Variants in SNX25 observed in about 807,000 individuals in gnomAD.
SNX25 encodes sorting nexin-25.
In SNX25, 62 loss-of-function variants were observed where a neutral mutation model predicts 113.7. That is an observed-to-expected ratio of 0.55 (90% CI 0.44 to 0.67). The LOEUF (loss-of-function observed/expected upper bound fraction) is 0.67, where lower values mean the gene tolerates loss of function less well. Among genes scored for constraint, SNX25 ranks in the 30% least tolerant of loss-of-function variants. The pLI, the probability that SNX25 is intolerant of heterozygous loss-of-function variation, is 0.00. For missense variants in SNX25, 1,014 were observed against 1,161.0 expected (o/e 0.87, Z 1.84); for synonymous variants, 421 against 436.2 (o/e 0.97, Z 0.43).
At chr4:185,273,050 G>A (rs1749179952) in intron 5 of SNX25, among the ~76,000 whole-genome samples, 2 of 152,104 alleles carry the variant, frequency 1.3e-5, no homozygotes, top group Non-Finnish European at 2.9e-5. Context: ...AAATGCTTCC[G>A]GACATTGCCA....
At chr4:185,348,069 T>C (rs567295064) in intron 13 of SNX25, among the ~76,000 whole-genome samples, 1 of 152,244 alleles carries the variant, frequency 6.6e-6, no homozygotes, top group Non-Finnish European at 1.5e-5. Flanking sequence ...TTAAACACTT[T>C]ATTATTTTCT....
intron 6 of SNX25, among the ~76,000 whole-genome samples, chr4:185,291,811 T>G (rs1393791855): frequency 6.6e-6 from 1 of 152,192 alleles, no homozygotes; most frequent in African/African-American, 2.4e-5. Flanking sequence ...AAGCATGACT[T>G]TATCTTAACT....
intron 8 of SNX25, among the ~76,000 whole-genome samples, chr4:185,321,473 G>A (rs1436047694): frequency 1.3e-5 from 2 of 152,054 alleles, no homozygotes; most frequent in African/African-American, 4.8e-5. Flanking sequence ...GTGTTGGCCA[G>A]ACTGGTCGCG....
At chr4:185,273,109 A>G (rs1458524588) in intron 5 of SNX25, among the ~76,000 whole-genome samples, 1 of 152,186 alleles carries the variant, frequency 6.6e-6, no homozygotes, top group Non-Finnish European at 1.5e-5. Flanking sequence ...ACTGGCTTAA[A>G]CCCATGAATA....
Position 185,210,702 on chromosome 4 carries a change from T to TG in SNX25, c.429+448dup, listed in dbSNP as rs1737641744. The stretch of plus-strand genomic sequence containing the variant: ...ATGACCGTTTGCCGATGAGGAAACT[T>TG]GCTTCGGTCCCTGGCCCAGCGCCTC... On this transcript the variant is annotated intron_variant, in intron 1 of 18. Coordinates refer to ENST00000652585, the MANE Select transcript of SNX25 (RefSeq NM_001378034.2). This position sits in a 1 kb window ranked among gnomAD's most constrained non-coding sequence, Gnocchi z 4.4. Among the ~76,000 whole-genome samples, 1 of 151,908 alleles carries TG rather than the reference T, an allele frequency of 6.6e-6. No homozygotes were observed. The highest frequency in any genetic ancestry group is 1.5e-5 in the Non-Finnish European group (1 of 67,936).
At chr4:185,253,921 G>A (rs780120075) in intron 2 of SNX25, among the ~76,000 whole-genome samples, 61 of 152,314 alleles carry the variant, frequency 4.0e-4, no homozygotes, top group Non-Finnish European at 7.9e-4. Flanking sequence ...ATACTGCAAG[G>A]TCATTGTCAA....
At chr4:185,328,992 G>T (rs1187391848) in intron 9 of SNX25, among the ~76,000 whole-genome samples, 1 of 152,104 alleles carries the variant, frequency 6.6e-6, no homozygotes, top group African/African-American at 2.4e-5. Flanking sequence ...TTCCAAGGAA[G>T]GGGTTTCAAA....
At chr4:185,239,412 C>G (rs193104044) in intron 1 of SNX25, among the ~76,000 whole-genome samples, 2,757 of 152,130 alleles carry the variant, frequency 0.018, 64 homozygotes, top group Admixed American at 0.052. Context: ...GAACCCAGGA[C>G]GCGGAGCTTG....
At chr4:185,293,851 A>T (rs969107064) in intron 6 of SNX25, among the ~76,000 whole-genome samples, 6 of 152,244 alleles carry the variant, frequency 3.9e-5, no homozygotes, top group African/African-American at 1.4e-4. Flanking sequence ...AGAGTTAGAG[A>T]AACAATGTAA....
chr4:185,334,194 C>T lies in SNX25; in HGVS notation c.1914+1435C>T, dbSNP rs1201864835. 3.3e-5 allele frequency among the ~76,000 whole-genome samples: 5 copies of T among 151,998 alleles called. No homozygotes were observed. Among genetic ancestry groups the T allele is most frequent in the Admixed American group, 6.6e-5 (1 of 15,260 alleles). On this transcript the variant is annotated intron_variant, in intron 10 of 18. Transcript: ENST00000652585. The surrounding 1 kb of genome is among the most constrained non-coding windows in gnomAD (Gnocchi z 4.2). ...TGTCTACTAAAAATACAAAAATTAG[C>T]CAGGCATGGTGGCATGCATGGTAAT...
At chr4:185,220,735 C>T (rs1409156478) in intron 1 of SNX25, among the ~76,000 whole-genome samples, 5 of 152,186 alleles carry the variant, frequency 3.3e-5, no homozygotes, top group Admixed American at 3.3e-4. Context: ...CCACCTCGGC[C>T]TCCCAAAGTG....
intron 1 of SNX25, among the ~76,000 whole-genome samples, chr4:185,211,516 G>A (rs1737795595): frequency 6.6e-6 from 1 of 152,084 alleles, no homozygotes; most frequent in Non-Finnish European, 1.5e-5. Context: ...TTACTAGTTT[G>A]TTTGTTGATC....
intron 1 of SNX25, among the ~76,000 whole-genome samples, chr4:185,224,747 G>T (rs1046749769): frequency 1.3e-5 from 2 of 150,570 alleles, no homozygotes; most frequent in African/African-American, 2.4e-5. Flanking sequence ...TATTTTTTTT[G>T]AAGCCTGTGT....
intron 1 of SNX25, among the ~76,000 whole-genome samples, chr4:185,235,410 G>A (rs1014020075): frequency 2.0e-5 from 3 of 152,208 alleles, no homozygotes; most frequent in Non-Finnish European, 4.4e-5. Context: ...TTCTTCTTCT[G>A]GAGGTGCCCT....
At chr4:185,352,844 T>G (rs1391690118) in intron 14 of SNX25, among the ~76,000 whole-genome samples, 2 of 152,176 alleles carry the variant, frequency 1.3e-5, no homozygotes, top group African/African-American at 4.8e-5. Flanking sequence ...CTCCAGCACC[T>G]AATGTTTGCA....
At chr4:185,345,557 G>A (rs975029497) in intron 12 of SNX25, among the ~76,000 whole-genome samples, 1 of 152,122 alleles carries the variant, frequency 6.6e-6, no homozygotes, top group African/African-American at 2.4e-5. Context: ...CACTTTGGGA[G>A]GCTGAGGCAG....
Position 185,332,590 on chromosome 4 carries a change from C to G in SNX25, c.1750-5C>G, listed in dbSNP as rs778098447. On this transcript the variant is annotated splice_region_variant and splice_polypyrimidine_tract_variant and intron_variant, in intron 9 of 18. Transcript: ENST00000652585. Reference sequence around the variant, plus strand: ...AGATATGGTGGTATGTGACTCTCCCCCTAGGGCCCAAGAGATGAGGCTGGT... The same window carrying G: ...AGATATGGTGGTATGTGACTCTCCCGCTAGGGCCCAAGAGATGAGGCTGGT... 6.2e-7 allele frequency: 1 copy of G among 1,608,300 alleles called. No individual in the cohort carries two copies. Among genetic ancestry groups the G allele is most frequent in the Non-Finnish European group, 8.5e-7 (1 of 1,176,910 alleles).
chr4:185,361,997 G>A lies in SNX25; in HGVS notation c.2725G>A (p.Ala909Thr). ...LVYYINIFRD[A>T]FWPNGKLAPP... ...TTACTACATCAATATTTTCCGGGAT[G>A]CTTTTTGGCCAAATGGGAAGTTGGC... Residue 909 changes from alanine to threonine, a missense_variant, in exon 17 of 19, where the codon GCT becomes ACT. Coordinates refer to ENST00000652585, the MANE Select transcript of SNX25 (RefSeq NM_001378034.2). The A allele has an allele frequency of 1.2e-6, 2 of 1,614,098 alleles. No individual in the cohort carries two copies. Among genetic ancestry groups the A allele is most frequent in the Non-Finnish European group, 1.7e-6 (2 of 1,180,002 alleles).
At chr4:185,205,987 G>T (rs2111446756), upstream of SNX25, among the ~76,000 whole-genome samples, 1 of 152,264 alleles carries the variant, frequency 6.6e-6, no homozygotes, top group South Asian at 2.1e-4. Context: ...AGATACCGAT[G>T]GCTTTAGTCA....
Sources: gnomAD v4.1 joint callset for allele counts (sites outside exome capture counted in the v4.1 genomes callset) on GRCh38, gnomAD v4.1.1 for gene constraint, Gnocchi (gnomAD v3.1) non-coding constraint, MANE v1.5 for transcripts, NCBI Gene and HGNC (gene_info 2026-07-23, HGNC 2026-07-21) for gene names.